The following ZC3H12B variants were observed in gnomAD, a reference collection of about 807,000 sequenced individuals.
ZC3H12B encodes zinc finger CCCH-type containing 12B.
A neutral mutation model predicts 43.9 loss-of-function variants in ZC3H12B; 7 were observed. That is an observed-to-expected ratio of 0.16 (90% confidence interval 0.09 to 0.30). The LOEUF (loss-of-function observed/expected upper bound fraction) is 0.30. Among genes scored for constraint, ZC3H12B ranks in the 10% least tolerant of loss-of-function variants. ZC3H12B has a pLI of 1.00. For missense variants in ZC3H12B, 475 were observed against 670.2 expected (o/e 0.71, Z 3.22); for synonymous variants, 222 against 241.7 (o/e 0.92, Z 0.76).
chrX:65,124,375 G>A, the ZC3H12B span, among the ~76,000 whole-genome samples: 1 of 111,067 alleles, frequency 9.0e-6, no homozygotes, highest in Non-Finnish European at 1.9e-5. Flanking sequence ...TTGATATGCT[G>A]TTGGACTCAG....
intron 3 of ZC3H12B, among the ~76,000 whole-genome samples, chrX:65,474,663 T>A (rs1341277186): frequency 9.0e-6 from 1 of 110,678 alleles, no homozygotes; most frequent in Non-Finnish European, 1.9e-5. Context: ...CAGGCTGGAG[T>A]GCAGTGGCAC....
At chrX:65,475,426 T>C (rs2067979525) in intron 3 of ZC3H12B, among the ~76,000 whole-genome samples, 1 of 110,783 alleles carries the variant, frequency 9.0e-6, no homozygotes, top group Non-Finnish European at 1.9e-5. Flanking sequence ...GGATATAGTA[T>C]TCTTTGATGG....
At chrX:65,383,318 T>C (rs1416602543) in intron 2 of ZC3H12B, among the ~76,000 whole-genome samples, 2 of 111,796 alleles carry the variant, frequency 1.8e-5, no homozygotes, top group African/African-American at 6.5e-5. Flanking sequence ...AACTATCTGA[T>C]CTTTGACAAA....
chrX:65,450,854 T>C (rs1461829462), intron 3 of ZC3H12B, among the ~76,000 whole-genome samples: 1 of 84,935 alleles, frequency 1.2e-5, no homozygotes, highest in Non-Finnish European at 2.2e-5. Flanking sequence ...TATATATACA[T>C]ATGTGTATAT....
At chrX:65,152,792 G>C in the ZC3H12B span, among the ~76,000 whole-genome samples, 2 of 111,494 alleles carry the variant, frequency 1.8e-5, no homozygotes, top group African/African-American at 3.3e-5. Flanking sequence ...CTAAGCCAAA[G>C]GAACAAAGCT....
the ZC3H12B span, among the ~76,000 whole-genome samples, chrX:65,239,887 A>T: frequency 9.0e-6 from 1 of 111,446 alleles, no homozygotes; most frequent in Admixed American, 9.5e-5. Context: ...TTCTTTAAGA[A>T]TGTTGAATAT....
the ZC3H12B span, chrX:65,330,801 T>C: frequency 2.0e-5 from 3 of 153,747 alleles, no homozygotes; most frequent in African/African-American, 6.3e-5. Flanking sequence ...CTGGATTCGG[T>C]TTGCCAGTAT....
chrX:65,420,548 G>T (rs1309483527), intron 3 of ZC3H12B, among the ~76,000 whole-genome samples: 2 of 111,724 alleles, frequency 1.8e-5, no homozygotes. Context: ...ACGGTTATAA[G>T]GATTACGAAC....
chrX:65,163,834 G>A, the ZC3H12B span, among the ~76,000 whole-genome samples: 2 of 112,011 alleles, frequency 1.8e-5, no homozygotes, highest in Admixed American at 1.9e-4. Context: ...ACCTCAGATG[G>A]AAATTCAGAA....
chrX:65,302,961 C>A, the ZC3H12B span, among the ~76,000 whole-genome samples: 3 of 111,025 alleles, frequency 2.7e-5, no homozygotes, highest in African/African-American at 9.8e-5. Context: ...GCATGCAACA[C>A]AAAAAAATCT....
intron 3 of ZC3H12B, among the ~76,000 whole-genome samples, chrX:65,455,709 A>G (rs376549891): frequency 8.8e-4 from 99 of 111,952 alleles, no homozygotes; most frequent in Admixed American, 1.5e-3. Context: ...AGGAAAAAAT[A>G]TTAAGGGCAG....
chrX:65,247,680 A>T, the ZC3H12B span, among the ~76,000 whole-genome samples: 9 of 112,201 alleles, frequency 8.0e-5, no homozygotes, highest in African/African-American at 2.9e-4. Context: ...AAGTGGGGGC[A>T]GAATTATGAG....
the ZC3H12B span, among the ~76,000 whole-genome samples, chrX:65,359,808 G>C: frequency 1.9e-3 from 213 of 112,199 alleles, no homozygotes; most frequent in African/African-American, 6.6e-3. Context: ...TGGGGTTTGA[G>C]AACATAGACT....
the ZC3H12B span, among the ~76,000 whole-genome samples, chrX:65,267,295 C>T: frequency 0.023 from 2,379 of 105,513 alleles, 27 homozygotes; most frequent in Non-Finnish European, 0.032. Flanking sequence ...ACTGGCTACA[C>T]AAGAAAAAGA....
chrX:65,131,938 G>A, the ZC3H12B span, among the ~76,000 whole-genome samples: 1 of 111,374 alleles, frequency 9.0e-6, no homozygotes, highest in Admixed American at 9.5e-5. Context: ...TATTGAATAA[G>A]GTGAGAAGCG....
the ZC3H12B span, among the ~76,000 whole-genome samples, chrX:65,309,917 G>A: frequency 1.8e-5 from 2 of 111,973 alleles, no homozygotes; most frequent in Non-Finnish European, 3.8e-5. Flanking sequence ...TATCTCAATA[G>A]ATGCAGAAAA....
the ZC3H12B span, among the ~76,000 whole-genome samples, chrX:65,164,007 G>T: frequency 9.0e-6 from 1 of 111,623 alleles, no homozygotes; most frequent in East Asian, 2.8e-4. Context: ...ACTACCTGTC[G>T]TTATAGCCTG....
At chrX:65,226,820 C>A in the ZC3H12B span, among the ~76,000 whole-genome samples, 16 of 111,264 alleles carry the variant, frequency 1.4e-4, no homozygotes, top group Admixed American at 1.9e-4. Flanking sequence ...TCAATGCAAC[C>A]AGAAGAGCTA....
At chrX:65,424,120 C>T (rs2067052149) in intron 3 of ZC3H12B, among the ~76,000 whole-genome samples, 1 of 112,042 alleles carries the variant, frequency 8.9e-6, no homozygotes, top group Non-Finnish European at 1.9e-5. Context: ...ATGAAGCCGA[C>T]TTGATCATGG....
Sources: allele counts gnomAD v4.1 joint callset (sites outside exome capture counted in the v4.1 genomes callset), GRCh38; gene constraint gnomAD v4.1.1; transcripts MANE v1.5; gene names NCBI Gene and HGNC (gene_info 2026-07-23, HGNC 2026-07-21).